HRH1: variants seen among roughly 807,000 people sequenced by gnomAD.
The protein encoded by HRH1 is histamine receptor H1.
In HRH1, 6 loss-of-function variants were observed where a neutral mutation model predicts 10.3. The ratio of observed to expected loss-of-function variants is 0.58; its 90% CI spans 0.32 to 1.15. HRH1 has a LOEUF of 1.15. HRH1 is among the 50% of genes most tolerant of loss of function. The pLI, the probability that HRH1 is intolerant of heterozygous loss-of-function variation, is 0.05. For synonymous variants in HRH1, 242 were observed against 236.7 expected, an observed-to-expected ratio of 1.02 and a Z score of -0.21; for missense variants, 514 against 615.3, an observed-to-expected ratio of 0.84 and a Z score of 1.74.
Position 11,259,598 on chromosome 3 carries a change from C to A in HRH1, c.561C>A (p.Val187=). The A allele has an allele frequency of 1.9e-6, 3 of 1,614,134 alleles. No homozygotes were observed. The highest frequency in any genetic ancestry group is 2.5e-6 in the Non-Finnish European group (3 of 1,180,020). ...EDKCETDFYD[V]TWFKVMTAII... The stretch of plus-strand genomic sequence containing the variant: ...AGTGTGAGACAGACTTCTATGATGT[C>A]ACCTGGTTCAAGGTCATGACTGCCA... The change falls in exon 2 of 2, where the codon GTC becomes GTA. Residue 187 remains valine, a synonymous_variant. Coordinates refer to ENST00000431010, the MANE Select transcript of HRH1 (RefSeq NM_001098212.2). This position sits in a 1 kb window ranked among gnomAD's most constrained non-coding sequence, Gnocchi z 4.6.
At chr3:11,221,218 A>G (rs1938700689) in intron 1 of HRH1, among the ~76,000 whole-genome samples, 1 of 152,156 alleles carries the variant, frequency 6.6e-6, no homozygotes. Flanking sequence ...GGAGCTGTTT[A>G]GTTTCTCATT....
At chr3:11,254,808 A>G (rs1939742657) in intron 1 of HRH1, among the ~76,000 whole-genome samples, 1 of 152,244 alleles carries the variant, frequency 6.6e-6, no homozygotes, top group Non-Finnish European at 1.5e-5. Context: ...ACTTCTGCAG[A>G]AGGGTGCAGC....
intron 1 of HRH1, among the ~76,000 whole-genome samples, chr3:11,237,920 C>G (rs1265404996): frequency 6.6e-6 from 1 of 152,104 alleles, no homozygotes; most frequent in Non-Finnish European, 1.5e-5. Flanking sequence ...TTGTGATCTG[C>G]CCACCTCAGC....
intron 1 of HRH1, among the ~76,000 whole-genome samples, chr3:11,165,634 A>G (rs1057118583): frequency 6.6e-6 from 1 of 152,204 alleles, no homozygotes; most frequent in Non-Finnish European, 1.5e-5. Context: ...ATCAGTGCCA[A>G]GAATCGTTAC....
chr3:11,246,001 T>TAC (rs1553581783), intron 1 of HRH1, among the ~76,000 whole-genome samples: 1 of 77,134 alleles, frequency 1.3e-5, no homozygotes, highest in African/African-American at 4.2e-5. Flanking sequence ...CACACACACT[T>TAC]ACACATACAC....
intron 1 of HRH1, among the ~76,000 whole-genome samples, chr3:11,252,160 TTC>T (rs1482244287): frequency 6.6e-6 from 1 of 152,086 alleles, no homozygotes; most frequent in Non-Finnish European, 1.5e-5. Flanking sequence ...TGTATGAGAG[TTC>T]TGTTTCTAGG....
At chr3:11,223,266 G>A (rs141145338) in intron 1 of HRH1, among the ~76,000 whole-genome samples, 1,699 of 149,772 alleles carry the variant, frequency 0.011, 35 homozygotes, top group African/African-American at 0.039. Context: ...GACTGAGGCA[G>A]GTGGACCACA....
chr3:11,183,855 CT>C (rs60566877), intron 1 of HRH1, among the ~76,000 whole-genome samples: 16,262 of 91,778 alleles, frequency 0.18, 1,111 homozygotes, highest in Admixed American at 0.32. Flanking sequence ...GGAAAGCTTG[CT>C]TTTTTTTTTT....
intron 1 of HRH1, among the ~76,000 whole-genome samples, chr3:11,251,866 G>A (rs146791774): frequency 8.6e-4 from 131 of 152,288 alleles, no homozygotes; most frequent in Non-Finnish European, 1.5e-3. Context: ...TCTTCTGTTA[G>A]CAAAGTAGTT....
At chr3:11,202,601 CTT>C (rs1372987320) in intron 1 of HRH1, among the ~76,000 whole-genome samples, 1 of 151,992 alleles carries the variant, frequency 6.6e-6, no homozygotes, top group African/African-American at 2.4e-5. Context: ...TTAACGAAGA[CTT>C]TATTTTTCTT....
intron 1 of HRH1, among the ~76,000 whole-genome samples, chr3:11,234,774 C>T (rs745593459): frequency 6.6e-6 from 1 of 152,196 alleles, no homozygotes; most frequent in East Asian, 1.9e-4. Context: ...AGGGCGGGCA[C>T]CTCTGGGTTC....
chr3:11,181,834 T>G (rs996180193), intron 1 of HRH1, among the ~76,000 whole-genome samples: 1 of 152,120 alleles, frequency 6.6e-6, no homozygotes, highest in Non-Finnish European at 1.5e-5. Context: ...GGTTTCACCA[T>G]GTTAGCCAGG....
chr3:11,142,423 G>C (rs1185520414), intron 1 of HRH1, among the ~76,000 whole-genome samples: 1 of 152,202 alleles, frequency 6.6e-6, no homozygotes, highest in Non-Finnish European at 1.5e-5. Flanking sequence ...TCTAAGTGCT[G>C]GGGGTACAGT....
chr3:11,209,716 G>T (rs1041739202), intron 1 of HRH1, among the ~76,000 whole-genome samples: 24 of 152,180 alleles, frequency 1.6e-4, no homozygotes, highest in African/African-American at 5.8e-4. Context: ...CTTGCAGGTG[G>T]CTGCCTTCTT....
intron 1 of HRH1, among the ~76,000 whole-genome samples, chr3:11,176,537 A>C (rs982162124): frequency 6.6e-6 from 1 of 152,124 alleles, no homozygotes; most frequent in Non-Finnish European, 1.5e-5. Context: ...TCCAACACAC[A>C]CTGTGAACTC....
chr3:11,157,004 G>A (rs967810128), intron 1 of HRH1, among the ~76,000 whole-genome samples: 2 of 152,236 alleles, frequency 1.3e-5, no homozygotes, highest in African/African-American at 4.8e-5. Context: ...TAGACACTCA[G>A]CAAACGCTGG....
At chr3:11,235,990 CG>C (rs1386777280) in intron 1 of HRH1, among the ~76,000 whole-genome samples, 3 of 152,168 alleles carry the variant, frequency 2.0e-5, no homozygotes, top group African/African-American at 7.2e-5. Context: ...ATCACTGTGT[CG>C]CTCATTGGGC....
At chr3:11,180,318 G>A (rs984718406) in intron 1 of HRH1, among the ~76,000 whole-genome samples, 9 of 152,176 alleles carry the variant, frequency 5.9e-5, no homozygotes, top group Admixed American at 2.0e-4. Context: ...ATTTTTCCAC[G>A]GACGGGGGTT....
At chr3:11,195,949 T>G (rs879536356) in intron 1 of HRH1, among the ~76,000 whole-genome samples, 3 of 152,238 alleles carry the variant, frequency 2.0e-5, no homozygotes, top group Non-Finnish European at 4.4e-5. Flanking sequence ...GCAACAGCTT[T>G]CGAGTTTTAT....
Sources: gnomAD v4.1 joint callset for allele counts (sites outside exome capture counted in the v4.1 genomes callset) on GRCh38, gnomAD v4.1.1 for gene constraint, Gnocchi (gnomAD v3.1) non-coding constraint, MANE v1.5 for transcripts, NCBI Gene and HGNC (gene_info 2026-07-23, HGNC 2026-07-21) for gene names.